Variants in LRP1B observed in about 807,000 individuals in gnomAD.
LRP1B encodes LDL receptor related protein 1B, also known as low-density lipoprotein receptor-related protein 1B.
A neutral mutation model predicts 556.6 loss-of-function variants in LRP1B; 217 were observed. The ratio of observed to expected loss-of-function variants is 0.39; its 90% CI spans 0.35 to 0.44. LRP1B has a LOEUF of 0.44. Among genes scored for constraint, LRP1B ranks in the 20% least tolerant of loss-of-function variants. LRP1B has a pLI of 1.00. For synonymous variants in LRP1B, 2,047 were observed against 1,865.8 expected, an observed-to-expected ratio of 1.10 and a Z score of -2.50; for missense variants, 5,053 against 5,620.8, an observed-to-expected ratio of 0.90 and a Z score of 3.23.
Position 142,051,423 on chromosome 2 carries a change from G to C in LRP1B, c.82+79225C>G, listed in dbSNP as rs189467055. On this transcript the variant is annotated intron_variant, in intron 1 of 90. Transcript: ENST00000389484. ...AATCAGCTTAAAAATGGAGAATAAT[G>C]GTGGAAAAAAGTAACTAATAGGGGC... Among the ~76,000 whole-genome samples, 68 of 151,458 alleles carry C rather than the reference G, an allele frequency of 4.5e-4. 1 individual carries two copies. The highest frequency in any genetic ancestry group is 7.5e-4 in the Non-Finnish European group (51 of 67,840).
intron 41 of LRP1B, among the ~76,000 whole-genome samples, chr2:140,666,155 G>A (rs772618917): frequency 4.6e-5 from 7 of 151,818 alleles, no homozygotes; most frequent in Admixed American, 6.6e-5. Flanking sequence ...CACTGTGCCC[G>A]GCTAATTTTT....
intron 7 of LRP1B, among the ~76,000 whole-genome samples, chr2:141,116,332 GAAGT>G: frequency 6.6e-6 from 1 of 152,268 alleles, no homozygotes; most frequent in African/African-American, 2.4e-5. Flanking sequence ...TGTTCACAAA[GAAGT>G]AAAGCAAATA....
In LRP1B at chr2:140,702,407, T is replaced by C. The variant is rs1686681363; in HGVS notation, c.6150+20A>G. On this transcript the variant is annotated intron_variant, in intron 38 of 90. Transcript: ENST00000389484. The stretch of plus-strand genomic sequence containing the variant: ...TTGTCAGTTAAGGCACTTTAAATAC[T>C]GAAAAGAAATCCAACAGACCTCATA... 6.2e-7 allele frequency: 1 copy of C among 1,612,330 alleles called. No individual in the cohort carries two copies. Among genetic ancestry groups the C allele is most frequent in the Non-Finnish European group, 8.5e-7 (1 of 1,179,276 alleles).
At chr2:141,528,566 A>G (rs1684768814) in intron 2 of LRP1B, among the ~76,000 whole-genome samples, 1 of 152,184 alleles carries the variant, frequency 6.6e-6, no homozygotes, top group African/African-American at 2.4e-5. Context: ...AAACATGCAT[A>G]TGAAAATATA....
At chr2:141,124,243 A>G (rs1214621930) in intron 7 of LRP1B, among the ~76,000 whole-genome samples, 1 of 152,180 alleles carries the variant, frequency 6.6e-6, no homozygotes, top group Non-Finnish European at 1.5e-5. Flanking sequence ...TGCATAGTTT[A>G]TGTGTTTGAC....
At position 141,242,367 on chromosome 2, in the gene LRP1B, A is replaced by G. The variant is rs144970261; in HGVS notation, c.592+4859T>C. 3.0e-4 allele frequency among the ~76,000 whole-genome samples: 45 copies of G among 152,216 alleles called. No homozygotes were observed. The East Asian group carries it at 8.1e-3, about 28-fold the overall frequency. ...TAAAGTAAGAGCCATAGGAAGTTAC[A>G]TTTTGTTTATTTTTTTCTCTCTCTC... On this transcript the variant is annotated intron_variant, in intron 5 of 90. Coordinates refer to ENST00000389484, the MANE Select transcript of LRP1B (RefSeq NM_018557.3).
chr2:140,406,066 C>T (rs1355673689), intron 66 of LRP1B, among the ~76,000 whole-genome samples: 2 of 152,078 alleles, frequency 1.3e-5, no homozygotes, highest in African/African-American at 4.8e-5. Context: ...TGATACTTCA[C>T]ATAAACAAAA....
At chr2:140,606,917 CA>C (rs983325313) in intron 41 of LRP1B, among the ~76,000 whole-genome samples, 5 of 151,508 alleles carry the variant, frequency 3.3e-5, no homozygotes, top group South Asian at 4.2e-4. Flanking sequence ...AAACATGACA[CA>C]AAAAATACAA....
intron 60 of LRP1B, among the ~76,000 whole-genome samples, chr2:140,461,208 A>G (rs1687304349): frequency 6.6e-6 from 1 of 152,026 alleles, no homozygotes; most frequent in African/African-American, 2.4e-5. Flanking sequence ...GTTAGCATTT[A>G]TCATGCTAAA....
chr2:141,503,460 A>G (rs1217135973), intron 2 of LRP1B, among the ~76,000 whole-genome samples: 2 of 151,986 alleles, frequency 1.3e-5, no homozygotes, highest in Non-Finnish European at 2.9e-5. Flanking sequence ...TGCCAAGTCT[A>G]AATTAAAATC....
intron 3 of LRP1B, among the ~76,000 whole-genome samples, chr2:141,480,135 A>G (rs948423482): frequency 1.3e-5 from 2 of 151,730 alleles, no homozygotes; most frequent in Admixed American, 6.6e-5. Context: ...TAATTGTTTA[A>G]GAGCCCAACT....
intron 7 of LRP1B, among the ~76,000 whole-genome samples, chr2:141,142,910 TTGTC>T (rs1311140081): frequency 1.3e-5 from 2 of 148,866 alleles, no homozygotes; most frequent in East Asian, 2.0e-4. Context: ...GATTAACAAA[TTGTC>T]TGATTACTTT....
intron 78 of LRP1B, 138 bp downstream of exon 78, chr2:140,335,477 G>T (rs1681036765): frequency 3.1e-6 from 2 of 639,702 alleles, no homozygotes; most frequent in Non-Finnish European, 5.5e-6. Context: ...TTTTACAGAA[G>T]AAATAGTACA....
intron 6 of LRP1B, among the ~76,000 whole-genome samples, chr2:141,203,270 T>C (rs1013455741): frequency 6.6e-6 from 1 of 152,032 alleles, no homozygotes; most frequent in Non-Finnish European, 1.5e-5. Flanking sequence ...TCAAGACCCA[T>C]TGGTGTGCCG....
At chr2:141,699,725 T>C (rs779841016) in intron 2 of LRP1B, among the ~76,000 whole-genome samples, 2 of 151,234 alleles carry the variant, frequency 1.3e-5, no homozygotes, top group Non-Finnish European at 3.0e-5. Context: ...ATGTACACAA[T>C]AGTGTCAGGT....
chr2:140,364,473 T>C (rs1312643947), intron 72 of LRP1B, among the ~76,000 whole-genome samples, 188 bp downstream of exon 72: 1 of 151,644 alleles, frequency 6.6e-6, no homozygotes, highest in Non-Finnish European at 1.5e-5. Context: ...TGAGTCTCTA[T>C]AAAGTCATAA....
chr2:140,288,335 A>G (rs1683242204), intron 84 of LRP1B, among the ~76,000 whole-genome samples: 1 of 151,800 alleles, frequency 6.6e-6, no homozygotes, highest in South Asian at 2.1e-4. Flanking sequence ...ATAGTTAAAC[A>G]TAAAGGTTAT....
intron 23 of LRP1B, among the ~76,000 whole-genome samples, chr2:140,900,427 C>T (rs1164036378): frequency 2.0e-5 from 3 of 152,122 alleles, no homozygotes; most frequent in African/African-American, 7.2e-5. Context: ...GTTTTTCAGC[C>T]TCTCAAGCCA....
chr2:141,010,670 AC>A (rs1011524660), intron 14 of LRP1B, among the ~76,000 whole-genome samples: 13 of 151,472 alleles, frequency 8.6e-5, no homozygotes, highest in African/African-American at 3.2e-4. Context: ...TCCTGCCACC[AC>A]CCCTGGCTAA....
Sources: allele counts gnomAD v4.1 joint callset (sites outside exome capture counted in the v4.1 genomes callset), GRCh38; gene constraint gnomAD v4.1.1; transcripts MANE v1.5; gene names NCBI Gene and HGNC (gene_info 2026-07-23, HGNC 2026-07-21).